CYBRD1: variants seen among roughly 807,000 people sequenced by gnomAD.
CYBRD1 encodes the protein cytochrome b reductase 1, also known as plasma membrane ascorbate-dependent reductase CYBRD1.
A neutral mutation model predicts 21.9 loss-of-function variants in CYBRD1; 14 were observed. The observed-to-expected ratio is 0.64, with a 90% CI of 0.42 to 1.00. The LOEUF (loss-of-function observed/expected upper bound fraction) is 1.00, where lower values mean the gene tolerates loss of function less well. CYBRD1 is among the 50% of genes least tolerant of loss of function. The pLI is 0.00. For missense variants in CYBRD1, 328 were observed against 352.5 expected, an observed-to-expected ratio of 0.93 and a Z score of 0.56; for synonymous variants, 146 against 136.5, an observed-to-expected ratio of 1.07 and a Z score of -0.48.
chr2:171,552,322 C>T (rs1231714242), intron 2 of CYBRD1, among the ~76,000 whole-genome samples: 1 of 152,158 alleles, frequency 6.6e-6, no homozygotes, highest in Non-Finnish European at 1.5e-5. Flanking sequence ...AGTGACAAAT[C>T]ATACAAATTG....
upstream of CYBRD1, chr2:171,522,277 T>C (rs1208585604): frequency 4.5e-6 from 7 of 1,548,748 alleles, no homozygotes; most frequent in African/African-American, 1.4e-5. This position sits in a 1 kb window ranked among gnomAD's most constrained non-coding sequence, Gnocchi z 4.3. Flanking sequence ...GCTTGGATGC[T>C]GGACGAGGGA....
chr2:171,546,395 A>G (rs1290278222), intron 2 of CYBRD1, among the ~76,000 whole-genome samples: 1 of 152,216 alleles, frequency 6.6e-6, no homozygotes, highest in Non-Finnish European at 1.5e-5. Flanking sequence ...TGTTGTTATT[A>G]TAAGTGTAAA....
Position 171,536,133 on chromosome 2 carries a change from C to CTTTTT in CYBRD1, c.194-5437_194-5433dup, listed in dbSNP as rs71013042. Among the ~76,000 whole-genome samples, 17 of 110,256 alleles carry CTTTTT rather than the reference C, an allele frequency of 1.5e-4. 1 individual carries two copies. The highest frequency in any genetic ancestry group is 5.2e-4 in the East Asian group (2 of 3,812). 72.3% of individuals were successfully genotyped at this position (110,256 alleles called of 152,430 possible). On this transcript the variant is annotated intron_variant, in intron 1 of 3. Coordinates refer to ENST00000321348, the MANE Select transcript of CYBRD1 (RefSeq NM_024843.4). ...GAGTCATGATATCATGATAGTTACT[C>CTTTTT]TTTTTTTTTTTTTTTTTTTGAGACA... is the stretch of plus-strand genomic sequence containing the variant.
At chr2:171,533,417 C>G (rs1161113996) in intron 1 of CYBRD1, among the ~76,000 whole-genome samples, 1 of 152,158 alleles carries the variant, frequency 6.6e-6, no homozygotes, top group Non-Finnish European at 1.5e-5. Flanking sequence ...ATATGCCAAG[C>G]TCTATGCTAA....
At chr2:171,533,467 G>A (rs116086468) in intron 1 of CYBRD1, among the ~76,000 whole-genome samples, 1,745 of 152,246 alleles carry the variant, frequency 0.011, 30 homozygotes, top group African/African-American at 0.04. Context: ...ACATGTTCCC[G>A]CCTTCATGAA....
At chr2:171,553,275 C>T in intron 2 of CYBRD1, 71 bp from the exon 3 acceptor site, 1 of 1,551,324 alleles carries the variant, frequency 6.4e-7, no homozygotes, top group Non-Finnish European at 8.8e-7. Context: ...ACACATATTG[C>T]TTTTTAAATA....
chr2:171,550,029 A>T (rs1697775844), intron 2 of CYBRD1, among the ~76,000 whole-genome samples: 1 of 152,236 alleles, frequency 6.6e-6, no homozygotes, highest in South Asian at 2.1e-4. Context: ...TTAAAAATAC[A>T]GATTCCTGGG....
At position 171,522,556 on chromosome 2, in the gene CYBRD1, AG is replaced by A; in HGVS notation, c.14del (p.Gly5AlafsTer20). 1 of 1,603,910 alleles carries A rather than the reference AG, an allele frequency of 6.2e-7. No individual in the cohort carries two copies. Among genetic ancestry groups the A allele is most frequent in the Non-Finnish European group, 8.5e-7 (1 of 1,176,200 alleles). ...GAGTATGGGGCGCTGATGGCCATGG[AG>A]GGCTACTGGCGCTTCCTGGCGCTGC... MAM[E>X]GYWRFLALLG... is the part of the protein sequence containing the mutation. On this transcript the variant is annotated frameshift_variant, in exon 1 of 4. Transcript: ENST00000321348. LOFTEE classifies it high-confidence loss of function. The surrounding 1 kb of genome is among the most constrained non-coding windows in gnomAD (Gnocchi z 4.3).
intron 1 of CYBRD1, chr2:171,540,873 G>A (rs1574438917): frequency 7.0e-6 from 1 of 143,842 alleles, no homozygotes; most frequent in Non-Finnish European, 1.5e-5. Flanking sequence ...AGCGATTCTC[G>A]TGCCTCAGCC....
In CYBRD1 at chr2:171,528,024, T is replaced by C. The variant is rs113718145; in HGVS notation, c.193+5286T>C. ...ATTGGTCAATTCTCAGTCCTAATAGTGTTTGAGTGGAAGGCAGCATTTGAC... is the reference window on the plus strand; with the variant it reads ...ATTGGTCAATTCTCAGTCCTAATAGCGTTTGAGTGGAAGGCAGCATTTGAC... On this transcript the variant is annotated intron_variant, in intron 1 of 3. Coordinates refer to ENST00000321348, the MANE Select transcript of CYBRD1 (RefSeq NM_024843.4). 1.2e-3 allele frequency among the ~76,000 whole-genome samples: 184 copies of C among 152,204 alleles called. 2 individuals carry two copies. The highest frequency in any genetic ancestry group is 4.2e-3 in the African/African-American group (174 of 41,526).
chr2:171,557,126 G>A lies in CYBRD1; in HGVS notation c.*2299G>A, dbSNP rs541774352. The A allele has an allele frequency of 1.3e-5, 2 of 152,624 alleles. No individual in the cohort carries two copies. The highest frequency in any genetic ancestry group is 1.3e-4 in the Admixed American group (2 of 15,266). The allele number at this position is 152,624 out of a possible 1,614,324, so 9.5% of individuals were successfully genotyped here. On this transcript the variant is annotated 3_prime_UTR_variant, in exon 4 of 4. Transcript: ENST00000321348. ...ATAGGAATTTCTTTTCTATCTTTAT[G>A]AAAACAACGTATATAAAATATATCT...
intron 2 of CYBRD1, among the ~76,000 whole-genome samples, chr2:171,547,154 A>C (rs977851886): frequency 3.3e-5 from 5 of 152,150 alleles, no homozygotes; most frequent in African/African-American, 1.2e-4. Flanking sequence ...GAAACATTGG[A>C]GGGGAGGAGA....
In CYBRD1 at chr2:171,554,574, C is replaced by T. The variant is rs201085119; in HGVS notation, c.608C>T (p.Thr203Met). ...TFPPEGVFVN[T>M]LGLLILVFGA... ...CCGCCAGAAGGTGTTTTCGTAAATA[C>T]GCTTGGCCTTCTGATCCTGGTGTTC... is the stretch of plus-strand genomic sequence containing the variant. The change falls in exon 4 of 4, where the codon ACG becomes ATG. Residue 203 changes from threonine (T) to methionine (M), a missense_variant. Thr to Met is a moderately conservative substitution (Grantham distance 81). Transcript: ENST00000321348. 19 of 1,613,896 alleles carry T rather than the reference C, an allele frequency of 1.2e-5. No individual in the cohort carries two copies. The East Asian group carries it at 2.7e-4, about 23-fold the overall frequency.
rs144115153 is a variant in CYBRD1 at position 171,553,397 on chromosome 2, C to T, written c.454C>T (p.Arg152Ter). 3.1e-6 allele frequency: 5 copies of T among 1,613,558 alleles called. No homozygotes were observed. The highest frequency in any genetic ancestry group is 2.5e-6 in the Non-Finnish European group (3 of 1,179,778). Reference sequence around the variant, plus strand: ...GCTTCCATGGGCTCCGCTTTCTCTCCGAGCATTTCTCATGCCCATACATGT... The same window carrying T: ...GCTTCCATGGGCTCCGCTTTCTCTCTGAGCATTTCTCATGCCCATACATGT... ...FLLPWAPLSL[R>*]AFLMPIHVYS... is the part of the protein sequence containing the mutation. Residue 152 changes from arginine (R) to a stop codon, truncating the protein, a stop_gained, in exon 3 of 4, where the codon CGA becomes TGA. Coordinates refer to ENST00000321348, the MANE Select transcript of CYBRD1 (RefSeq NM_024843.4). LOFTEE classifies it high-confidence loss of function.
At chr2:171,523,648 G>A (rs1697344683) in intron 1 of CYBRD1, among the ~76,000 whole-genome samples, 1 of 152,318 alleles carries the variant, frequency 6.6e-6, no homozygotes, top group South Asian at 2.1e-4. Flanking sequence ...AGCCAGCCCC[G>A]GGCCTGCATT....
intron 3 of CYBRD1, 132 bp downstream of exon 3, chr2:171,553,632 G>T: frequency 1.3e-6 from 1 of 795,010 alleles, no homozygotes; most frequent in Non-Finnish European, 1.7e-6. Flanking sequence ...TAAAGAATTT[G>T]TTATATCATA....
chr2:171,546,571 C>T (rs2105343165), intron 2 of CYBRD1, among the ~76,000 whole-genome samples: 1 of 152,264 alleles, frequency 6.6e-6, no homozygotes, highest in South Asian at 2.1e-4. Flanking sequence ...ATGCCAGATA[C>T]CTTGCTAGGC....
Position 171,522,520 on chromosome 2 carries a change from C to T in CYBRD1, c.-26C>T. On this transcript the variant is annotated 5_prime_UTR_variant, in exon 1 of 4. Transcript: ENST00000321348. This position sits in a 1 kb window ranked among gnomAD's most constrained non-coding sequence, Gnocchi z 4.3. ...GCCGCCTCTCCAAGTTCTTGTGGCC[C>T]CCGCGGTGCGGAGTATGGGGCGCTG... is the stretch of plus-strand genomic sequence containing the variant. 1.3e-6 allele frequency: 2 copies of T among 1,574,592 alleles called. No individual in the cohort carries two copies. The highest frequency in any genetic ancestry group is 1.7e-6 in the Non-Finnish European group (2 of 1,161,096).
Position 171,522,723 on chromosome 2 carries a change from T to A in CYBRD1, c.178T>A (p.Phe60Ile). Reference sequence around the variant, plus strand: ...AGTGCTCATGGTCACCGGCTTCGTCTTCATCCAGGGCATCGGTACTGGCAC... The same window carrying A: ...AGTGCTCATGGTCACCGGCTTCGTCATCATCCAGGGCATCGGTACTGGCAC... ...HPVLMVTGFV[F>I]IQGIAIIVYR... The change falls in exon 1 of 4, where the codon TTC (phenylalanine) becomes ATC (isoleucine). Residue 60 changes from phenylalanine to isoleucine, a missense_variant. By Grantham distance (21) the Phe-to-Ile change is conservative. Transcript: ENST00000321348. The surrounding 1 kb of genome is among the most constrained non-coding windows in gnomAD (Gnocchi z 4.3). 1 of 1,613,424 alleles carries A rather than the reference T, an allele frequency of 6.2e-7. No homozygotes were observed. The highest frequency in any genetic ancestry group is 8.5e-7 in the Non-Finnish European group (1 of 1,179,896).
Sources: gnomAD v4.1 joint callset for allele counts (sites outside exome capture counted in the v4.1 genomes callset) on GRCh38, gnomAD v4.1.1 for gene constraint, Gnocchi (gnomAD v3.1) non-coding constraint, MANE v1.5 for transcripts, NCBI Gene and HGNC (gene_info 2026-07-23, HGNC 2026-07-21) for gene names.